The following PAXBP1 variants were observed in gnomAD, a reference collection of about 807,000 sequenced individuals.
The protein encoded by PAXBP1 is PAX3- and PAX7-binding protein 1.
PAXBP1 carries 44 observed loss-of-function variants against 119.9 expected under a neutral mutation model. The ratio of observed to expected loss-of-function variants is 0.37; its 90% CI spans 0.29 to 0.47. The LOEUF is 0.47. Ranked by LOEUF, PAXBP1 falls within the 20% of genes least tolerant of loss-of-function variation. The pLI is 0.99. For missense variants in PAXBP1, 898 were observed against 1,134.1 expected, an observed-to-expected ratio of 0.79 and a Z score of 2.99; for synonymous variants, 393 against 406.6, an observed-to-expected ratio of 0.97 and a Z score of 0.40.
chr21:32,742,338 A>G (rs1478631167), intron 15 of PAXBP1: 6 of 152,140 alleles, frequency 3.9e-5, no homozygotes, highest in South Asian at 2.1e-4. Context: ...AAGATCCTCT[A>G]TCATCTGGAC....
Position 32,769,882 on chromosome 21 carries a change from A to G in PAXBP1, c.404T>C (p.Leu135Pro). 6.3e-7 allele frequency: 1 copy of G among 1,591,862 alleles called. No individual in the cohort carries two copies. Among genetic ancestry groups the G allele is most frequent in the Non-Finnish European group, 8.5e-7 (1 of 1,169,970 alleles). The change falls in exon 2 of 18, where the codon CTC becomes CCC. Residue 135 changes from leucine (L) to proline (P), a missense_variant. Physicochemically the swap from Leu to Pro is moderately conservative, Grantham distance 98. Transcript: ENST00000331923. The stretch of plus-strand genomic sequence containing the variant: ...AAGATCTTCTTTATATTCCTTCTTG[A>G]GCAATTTTACTATCTTTTTGCTATA... The part of the protein sequence containing the change: ...SSYSKKIVKL[L>P]KKEYKEDLEK...
Position 32,755,082 on chromosome 21 carries a change from C to T in PAXBP1, c.1507+148G>A, listed in dbSNP as rs943817424. The T allele has an allele frequency of 3.3e-6, 3 of 920,340 alleles. No individual in the cohort carries two copies. The South Asian group carries it at 7.2e-5, about 22-fold the overall frequency. 57.0% of individuals were successfully genotyped at this position (920,340 alleles called of 1,614,324 possible). On this transcript the variant is annotated intron_variant, in intron 8 of 17. Transcript: ENST00000331923. ...AACACAATTCAAGTACATGCTGTTA[C>T]CATTTTTAGATCTACCTGACACAAC...
chr21:32,771,267 G>T, intron 1 of PAXBP1, 59 bp downstream of exon 1: 1 of 1,451,790 alleles, frequency 6.9e-7, no homozygotes, highest in Non-Finnish European at 9.2e-7. Context: ...CGGGGGCGGG[G>T]GACGGGGGCC....
intron 17 of PAXBP1, among the ~76,000 whole-genome samples, chr21:32,735,673 A>G (rs1462470005): frequency 6.6e-6 from 1 of 152,244 alleles, no homozygotes; most frequent in Non-Finnish European, 1.5e-5. Context: ...CCCCACCCCA[A>G]GAGTTCTATT....
intron 11 of PAXBP1, among the ~76,000 whole-genome samples, chr21:32,747,766 G>T (rs1218659804): frequency 6.6e-6 from 1 of 151,332 alleles, no homozygotes; most frequent in African/African-American, 2.4e-5. Flanking sequence ...AGGCCAATAG[G>T]TCCTCTTGAT....
At position 32,771,595 on chromosome 21, in the gene PAXBP1, T is replaced by G. The variant is rs1266575693; in HGVS notation, c.74A>C (p.Glu25Ala). ...DSEEEERERD[E>A]EQEPPPLLPP... Reference sequence around the variant, plus strand: ...CAACAACGGCGGCGGCTCCTGCTCCTCATCGCGTTCCCGCTCTTCCTCTTC... The same window carrying G: ...CAACAACGGCGGCGGCTCCTGCTCCGCATCGCGTTCCCGCTCTTCCTCTTC... Residue 25 changes from glutamate (E) to alanine (A), a missense_variant, in exon 1 of 18, where the codon GAG (glutamate) becomes GCG (alanine). Coordinates refer to ENST00000331923, the MANE Select transcript of PAXBP1 (RefSeq NM_016631.4). The G allele has an allele frequency of 1.4e-6, 2 of 1,464,976 alleles. No homozygotes were observed. The highest frequency in any genetic ancestry group is 3.0e-5 in the East Asian group (1 of 33,352). 90.7% of individuals were successfully genotyped at this position (1,464,976 alleles called of 1,614,324 possible). A position where few individuals can be genotyped will look rare whatever the true frequency, so the allele number is the denominator to read the frequency against.
At chr21:32,743,083 C>T in intron 15 of PAXBP1, 165 bp downstream of exon 15, 3 of 711,368 alleles carry the variant, frequency 4.2e-6, no homozygotes, top group Non-Finnish European at 5.2e-6. Flanking sequence ...AAATATCAAA[C>T]TTGAATGAAC....
intron 17 of PAXBP1, among the ~76,000 whole-genome samples, chr21:32,736,498 A>C (rs528783128): frequency 6.6e-6 from 1 of 152,212 alleles, no homozygotes; most frequent in East Asian, 1.9e-4. Flanking sequence ...AAAATCTTTA[A>C]TAGCTACTTT....
chr21:32,760,515 C>T (rs1268052976), intron 5 of PAXBP1, among the ~76,000 whole-genome samples: 2 of 152,124 alleles, frequency 1.3e-5, no homozygotes, highest in African/African-American at 4.8e-5. Flanking sequence ...TATTTTTCAT[C>T]GATCTCAAGT....
In PAXBP1 at chr21:32,769,849, G is replaced by A. The variant is rs1351349515; in HGVS notation, c.437C>T (p.Ser146Leu). The part of the protein sequence containing the change: ...KKEYKEDLEK[S>L]KIKTELNSSA... The stretch of plus-strand genomic sequence containing the variant: ...TGAGTTGAGTTCTGTCTTAATCTTC[G>A]ATTTTTCAAGATCTTCTTTATATTC... Residue 146 changes from serine (S) to leucine (L), a missense_variant, in exon 2 of 18, where the codon TCG (serine) becomes TTG (leucine). Around this residue, in one of 2 missense-constraint regions of PAXBP1, gnomAD observed 299 missense variants for 281.4 expected, o/e 1.06. Transcript: ENST00000331923. 3 of 1,600,284 alleles carry A rather than the reference G, an allele frequency of 1.9e-6. No homozygotes were observed. Among genetic ancestry groups the A allele is most frequent in the South Asian group, 2.3e-5 (2 of 87,632 alleles).
At chr21:32,748,281 C>A (rs371533290) in intron 11 of PAXBP1, among the ~76,000 whole-genome samples, 244 of 152,078 alleles carry the variant, frequency 1.6e-3, no homozygotes, top group African/African-American at 5.8e-3. Context: ...ACTGAAAAAA[C>A]AACAACAACA....
intron 15 of PAXBP1, chr21:32,742,951 C>A (rs934828657): frequency 3.8e-6 from 2 of 524,634 alleles, no homozygotes; most frequent in African/African-American, 1.9e-5. Flanking sequence ...AACATATACC[C>A]CATGGATACA....
chr21:32,742,901 G>A (rs748545544), intron 15 of PAXBP1: 65 of 460,074 alleles, frequency 1.4e-4, no homozygotes, highest in Non-Finnish European at 2.6e-4. Context: ...TATAGGGTTC[G>A]GTACTATCTG....
intron 10 of PAXBP1, among the ~76,000 whole-genome samples, chr21:32,750,436 C>G (rs2043941501): frequency 6.6e-6 from 1 of 152,200 alleles, no homozygotes; most frequent in Non-Finnish European, 1.5e-5. Flanking sequence ...TAATTCCAAA[C>G]AATTATAGCC....
intron 2 of PAXBP1, among the ~76,000 whole-genome samples, chr21:32,769,188 G>A (rs916477038): frequency 6.6e-6 from 1 of 152,136 alleles, no homozygotes; most frequent in Admixed American, 6.6e-5. Context: ...GCATTTGCAG[G>A]AGAATAACTC....
chr21:32,770,018 G>A (rs1053534886), intron 1 of PAXBP1, 76 bp from the exon 2 acceptor site: 14 of 1,134,646 alleles, frequency 1.2e-5, no homozygotes, highest in Non-Finnish European at 1.7e-5. Context: ...ATGATCTTAC[G>A]TGCTGTCCAA....
In PAXBP1 at chr21:32,745,755, T is replaced by C. The variant is rs377414381; in HGVS notation, c.1924-37A>G. On this transcript the variant is annotated intron_variant, in intron 11 of 17. Transcript: ENST00000331923. Reference sequence around the variant, plus strand: ...TTAAAAGGTTACCCAAATACTAAAATAGTGGCTATTTCTGCTTCCAGCTAT... The same window carrying C: ...TTAAAAGGTTACCCAAATACTAAAACAGTGGCTATTTCTGCTTCCAGCTAT... The C allele has an allele frequency of 1.3e-4, 216 of 1,610,146 alleles. No individual in the cohort carries two copies. In the African/African-American group the frequency reaches 2.6e-3, roughly 19 times the overall value.
chr21:32,756,856 T>C (rs1490263673), intron 7 of PAXBP1: 1 of 154,054 alleles, frequency 6.5e-6, no homozygotes, highest in Non-Finnish European at 1.4e-5. Flanking sequence ...TTAACTGGAA[T>C]GCCTTTTACC....
intron 2 of PAXBP1, among the ~76,000 whole-genome samples, 173 bp downstream of exon 2, chr21:32,769,641 C>T (rs1166876578): frequency 6.6e-6 from 1 of 152,180 alleles, no homozygotes; most frequent in Non-Finnish European, 1.5e-5. Context: ...TTATAAAATA[C>T]ATTTACAAAG....
Sources: allele counts gnomAD v4.1 joint callset (sites outside exome capture counted in the v4.1 genomes callset), GRCh38; gene constraint gnomAD v4.1.1; regional missense constraint gnomAD v4.1.1; transcripts MANE v1.5; gene names NCBI Gene and HGNC (gene_info 2026-07-23, HGNC 2026-07-21).